PRKACB: variants seen among roughly 807,000 people sequenced by gnomAD.
PRKACB encodes the protein cAMP-dependent protein kinase catalytic subunit beta.
Under a neutral mutation model 51.4 loss-of-function variants are expected in PRKACB, and 16 were observed. The ratio of observed to expected loss-of-function variants is 0.31; its 90% CI spans 0.21 to 0.47. The LOEUF is 0.47. PRKACB is among the 20% of genes least tolerant of loss of function. The probability of loss-of-function intolerance (pLI) is 1.00; values close to 1 mark genes in which losing one functional copy is unlikely to be tolerated. For synonymous variants in PRKACB, 147 were observed against 154.4 expected (o/e 0.95, Z 0.35); for missense variants, 309 against 464.5 (o/e 0.67, Z 3.08).
chr1:84,125,076 A>G (rs1651453741), intron 1 of PRKACB, among the ~76,000 whole-genome samples: 1 of 152,146 alleles, frequency 6.6e-6, no homozygotes, highest in Non-Finnish European at 1.5e-5. Context: ...ACACCCATTT[A>G]TTATCTCACT....
intron 5 of PRKACB, among the ~76,000 whole-genome samples, chr1:84,188,218 AACAATG>A (rs1186064697): frequency 8.6e-5 from 11 of 127,946 alleles, no homozygotes; most frequent in African/African-American, 3.1e-4. Flanking sequence ...CTAACAATGT[AACAATG>A]TTTTAAATGA....
At chr1:84,152,123 C>T (rs1173898662) in intron 1 of PRKACB, among the ~76,000 whole-genome samples, 1 of 152,194 alleles carries the variant, frequency 6.6e-6, no homozygotes, top group Non-Finnish European at 1.5e-5. Flanking sequence ...TCTCCTTGTA[C>T]ATCGAGCTCT....
At chr1:84,231,262 G>C (rs1429379356) in intron 9 of PRKACB, among the ~76,000 whole-genome samples, 1 of 152,132 alleles carries the variant, frequency 6.6e-6, no homozygotes, top group African/African-American at 2.4e-5. Flanking sequence ...TGCATCCCAG[G>C]GATGAAGCCC....
intron 1 of PRKACB, chr1:84,085,611 A>G (rs1647910055): frequency 6.4e-6 from 1 of 155,990 alleles, no homozygotes; most frequent in South Asian, 2.0e-4. Context: ...CAATTGAGCA[A>G]ATAAATATAT....
At chr1:84,171,682 G>A (rs1280593600) in intron 1 of PRKACB, among the ~76,000 whole-genome samples, 2 of 151,572 alleles carry the variant, frequency 1.3e-5, no homozygotes, top group African/African-American at 4.8e-5. Context: ...TGTACTGTTA[G>A]TCATAACCTG....
intron 8 of PRKACB, among the ~76,000 whole-genome samples, chr1:84,206,018 T>C (rs1172163317): frequency 2.0e-5 from 3 of 152,176 alleles, no homozygotes; most frequent in Non-Finnish European, 4.4e-5. Flanking sequence ...TTATGGTCTC[T>C]ATAGCACCTT....
chr1:84,216,528 T>C (rs914093163), intron 9 of PRKACB, among the ~76,000 whole-genome samples: 1 of 152,176 alleles, frequency 6.6e-6, no homozygotes, highest in African/African-American at 2.4e-5. Flanking sequence ...CAAATAGATA[T>C]GTTATATAGT....
At position 84,127,994 on chromosome 1, in the gene PRKACB, T is replaced by G. The variant is rs542881161; in HGVS notation, c.46+49623T>G. Reference sequence around the variant, plus strand: ...TCTATTCTTTGTTAGAATTATTTCTTTTCTTTTTTTTTCTTTTTTTTTTTT... The same window carrying G: ...TCTATTCTTTGTTAGAATTATTTCTGTTCTTTTTTTTTCTTTTTTTTTTTT... On this transcript the variant is annotated intron_variant, in intron 1 of 8. Transcript: ENST00000370688. 2.1e-5 allele frequency among the ~76,000 whole-genome samples: 3 copies of G among 139,692 alleles called. No individual in the cohort carries two copies. The East Asian group carries it at 6.2e-4, about 29-fold the overall frequency. 91.6% of individuals were successfully genotyped at this position (139,692 alleles called of 152,430 possible). A position where few individuals can be genotyped will look rare whatever the true frequency, so the allele number is the denominator to read the frequency against.
chr1:84,223,158 G>A (rs754800926), intron 9 of PRKACB, among the ~76,000 whole-genome samples: 17 of 152,054 alleles, frequency 1.1e-4, no homozygotes, highest in Admixed American at 5.2e-4. Flanking sequence ...TGAATATTTC[G>A]TTGCTTTAAG....
intron 1 of PRKACB, among the ~76,000 whole-genome samples, chr1:84,146,364 A>G (rs1262209133): frequency 2.6e-5 from 4 of 152,136 alleles, no homozygotes; most frequent in Non-Finnish European, 4.4e-5. Context: ...TGAGTATGGT[A>G]GCATGAAGCT....
chr1:84,114,827 A>G (rs1037843905), intron 1 of PRKACB, among the ~76,000 whole-genome samples: 3 of 152,174 alleles, frequency 2.0e-5, no homozygotes, highest in African/African-American at 7.2e-5. Context: ...AGTTTAAATA[A>G]TGACCTCCAG....
At chr1:84,159,916 A>G (rs1269151451) in intron 1 of PRKACB, among the ~76,000 whole-genome samples, 1 of 152,112 alleles carries the variant, frequency 6.6e-6, no homozygotes, top group African/African-American at 2.4e-5. Flanking sequence ...CTTACCTTTC[A>G]TGGAATAAAT....
chr1:84,183,292 G>C (rs138350430), intron 3 of PRKACB, among the ~76,000 whole-genome samples: 8 of 151,988 alleles, frequency 5.3e-5, no homozygotes, highest in Admixed American at 2.6e-4. Flanking sequence ...CACAGTCTTC[G>C]TGAAGTCAAG....
intron 1 of PRKACB, among the ~76,000 whole-genome samples, chr1:84,094,649 T>C (rs1648787301): frequency 6.6e-6 from 1 of 152,008 alleles, no homozygotes; most frequent in Admixed American, 6.6e-5. Flanking sequence ...CATTTGTAAA[T>C]GTTCCAATGA....
chr1:84,169,304 G>A (rs1052605998), intron 1 of PRKACB, among the ~76,000 whole-genome samples: 1 of 151,550 alleles, frequency 6.6e-6, no homozygotes, highest in Non-Finnish European at 1.5e-5. Flanking sequence ...AGTGAGCATG[G>A]AGTTAGTGAA....
chr1:84,086,164 G>A, intron 1 of PRKACB: 1 of 1,597,882 alleles, frequency 6.3e-7, no homozygotes, highest in Non-Finnish European at 8.6e-7. Flanking sequence ...ATGGGGATGT[G>A]GTGGACAAGT....
At chr1:84,173,764 T>G (rs1227270589) in intron 1 of PRKACB, among the ~76,000 whole-genome samples, 3 of 151,894 alleles carry the variant, frequency 2.0e-5, no homozygotes, top group Non-Finnish European at 2.9e-5. Flanking sequence ...GAGATGAAAC[T>G]AATGACAAAG....
At chr1:84,152,014 T>C (rs557423842) in intron 1 of PRKACB, among the ~76,000 whole-genome samples, 223 of 152,346 alleles carry the variant, frequency 1.5e-3, no homozygotes, top group Admixed American at 3.9e-3. Flanking sequence ...TCACTATCTG[T>C]GACACCTTTA....
upstream of PRKACB, among the ~76,000 whole-genome samples, chr1:84,143,853 A>G (rs1490626977): frequency 6.6e-6 from 1 of 151,532 alleles, no homozygotes; most frequent in Admixed American, 6.6e-5. Context: ...TTTCATACCC[A>G]TTTCATACTA....
Sources: allele counts gnomAD v4.1 joint callset (sites outside exome capture counted in the v4.1 genomes callset), GRCh38; gene constraint gnomAD v4.1.1; transcripts MANE v1.5; gene names NCBI Gene and HGNC (gene_info 2026-07-23, HGNC 2026-07-21).